The following GARIN1A variants were observed in gnomAD, a reference collection of about 807,000 sequenced individuals.
The protein encoded by GARIN1A is Golgi-associated RAB2 interactor protein 1A.
the GARIN1A span, chr7:128,675,791 T>C: frequency 6.2e-7 from 1 of 1,613,750 alleles, no homozygotes; most frequent in Non-Finnish European, 8.5e-7. Context: ...TGGCCAATGT[T>C]ACCTGGCCCC....
chr7:128,681,890 C>T, the GARIN1A span, among the ~76,000 whole-genome samples: 1 of 133,470 alleles, frequency 7.5e-6, no homozygotes, highest in East Asian at 2.6e-4. Flanking sequence ...CACCCCCCCC[C>T]ACAACCCCCC....
At chr7:128,703,071 T>C in the GARIN1A span, among the ~76,000 whole-genome samples, 1 of 152,104 alleles carries the variant, frequency 6.6e-6, no homozygotes, top group Non-Finnish European at 1.5e-5. Context: ...AACAGAAAAA[T>C]AAAAGACAAG....
chr7:128,681,668 A>AT, the GARIN1A span, among the ~76,000 whole-genome samples: 1 of 151,422 alleles, frequency 6.6e-6, no homozygotes, highest in South Asian at 2.1e-4. Flanking sequence ...TGCCTGGCTA[A>AT]TTTTTTAAAT....
the GARIN1A span, among the ~76,000 whole-genome samples, chr7:128,706,827 G>C: frequency 1.3e-5 from 2 of 152,202 alleles, 1 homozygote; most frequent in South Asian, 4.2e-4. Context: ...CTCCTTCCCT[G>C]CTTGCTGTCA....
the GARIN1A span, among the ~76,000 whole-genome samples, chr7:128,708,018 TTTTC>T: frequency 6.6e-6 from 1 of 150,812 alleles, no homozygotes; most frequent in Admixed American, 6.6e-5. Context: ...TTTTCTTTTG[TTTTC>T]TTTTATTTCC....
At chr7:128,690,638 TAA>T in the GARIN1A span, 1 of 152,186 alleles carries the variant, frequency 6.6e-6, no homozygotes, top group African/African-American at 2.4e-5. Flanking sequence ...TTTTTATTTT[TAA>T]AAAATCTTTT....
the GARIN1A span, among the ~76,000 whole-genome samples, chr7:128,704,357 T>C: frequency 6.7e-6 from 1 of 149,438 alleles, no homozygotes; most frequent in Non-Finnish European, 1.5e-5. Flanking sequence ...TAGGCTGGAG[T>C]GCAGTGGCAC....
At chr7:128,688,953 A>G in the GARIN1A span, among the ~76,000 whole-genome samples, 2 of 150,656 alleles carry the variant, frequency 1.3e-5, no homozygotes, top group Admixed American at 6.6e-5. Context: ...GGCGCGCGCC[A>G]CCACGCCTGA....
the GARIN1A span, chr7:128,672,461 G>T: frequency 6.2e-7 from 1 of 1,608,882 alleles, no homozygotes; most frequent in South Asian, 1.1e-5. Context: ...GGAACTTGGG[G>T]TGGAAAATGG....
the GARIN1A span, among the ~76,000 whole-genome samples, chr7:128,690,179 G>T: frequency 1.3e-5 from 2 of 152,234 alleles, no homozygotes; most frequent in Non-Finnish European, 1.5e-5. Context: ...AGTGCAAGAT[G>T]TGCTTTGTTA....
chr7:128,693,523 A>G, the GARIN1A span: 1 of 183,814 alleles, frequency 5.4e-6, no homozygotes, highest in South Asian at 1.5e-4. Context: ...GAGGTCACGG[A>G]CCACAGCCTC....
the GARIN1A span, among the ~76,000 whole-genome samples, chr7:128,680,585 A>G: frequency 3.8e-5 from 5 of 132,600 alleles, no homozygotes; most frequent in South Asian, 4.6e-4. Context: ...TTTTTTGGAG[A>G]CAGAGTTTCA....
the GARIN1A span, chr7:128,675,703 T>G: frequency 1.5e-5 from 24 of 1,613,882 alleles, no homozygotes; most frequent in African/African-American, 3.1e-4. Context: ...TGGAGAGATG[T>G]CTGTGAAGGG....
chr7:128,688,312 C>A, the GARIN1A span, among the ~76,000 whole-genome samples: 92 of 152,118 alleles, frequency 6.0e-4, no homozygotes, highest in East Asian at 5.8e-4. Flanking sequence ...GCCTGGCCCC[C>A]CTGGTTTCTT....
the GARIN1A span, among the ~76,000 whole-genome samples, chr7:128,688,305 T>G: frequency 6.6e-5 from 10 of 152,200 alleles, no homozygotes; most frequent in South Asian, 2.1e-3. Flanking sequence ...CCACCGCGCC[T>G]GGCCCCCCTG....
At chr7:128,681,885 C>CT in the GARIN1A span, among the ~76,000 whole-genome samples, 20,917 of 147,554 alleles carry the variant, frequency 0.14, 1,785 homozygotes, top group African/African-American at 0.21. Context: ...CACTGCACCC[C>CT]CCCCCACAAC....
the GARIN1A span, among the ~76,000 whole-genome samples, chr7:128,677,026 A>G: frequency 6.6e-6 from 1 of 151,746 alleles, no homozygotes; most frequent in Non-Finnish European, 1.5e-5. Context: ...ATACCAAAAA[A>G]ATTAGGTGGG....
chr7:128,687,610 G>A, the GARIN1A span: 1 of 152,122 alleles, frequency 6.6e-6, no homozygotes, highest in Admixed American at 6.5e-5. Context: ...GCTCTCTGTT[G>A]GAAGAGGTAC....
At chr7:128,677,911 T>A in the GARIN1A span, 5 of 1,061,836 alleles carry the variant, frequency 4.7e-6, no homozygotes. Flanking sequence ...CCATGTCTTT[T>A]AAAAGCTCTT....
Sources: allele counts gnomAD v4.1 joint callset (sites outside exome capture counted in the v4.1 genomes callset), GRCh38; gene constraint gnomAD v4.1.1; transcripts MANE v1.5; gene names NCBI Gene and HGNC (gene_info 2026-07-23, HGNC 2026-07-21).